WNT2: variants seen among roughly 807,000 people sequenced by gnomAD.
WNT2 encodes the protein Wnt family member 2.
In WNT2, 12 loss-of-function variants were observed where a neutral mutation model predicts 36.9. That is an observed-to-expected ratio of 0.33 (90% confidence interval 0.21 to 0.53). The LOEUF (loss-of-function observed/expected upper bound fraction) is 0.53. Ranked by LOEUF, WNT2 falls within the 20% of genes least tolerant of loss-of-function variation. WNT2 has a pLI of 0.95. For synonymous variants in WNT2, 163 were observed against 174.6 expected (o/e 0.93, Z 0.52); for missense variants, 379 against 473.1 (o/e 0.80, Z 1.84).
At chr7:117,280,109 G>A (rs1019834358) in intron 4 of WNT2, among the ~76,000 whole-genome samples, 2 of 152,088 alleles carry the variant, frequency 1.3e-5, no homozygotes, top group African/African-American at 4.8e-5. Context: ...CGGAGAGCAG[G>A]AAGACTGGCC....
At chr7:117,302,024 G>T (rs982390692) in intron 3 of WNT2, among the ~76,000 whole-genome samples, 1 of 151,794 alleles carries the variant, frequency 6.6e-6, no homozygotes, top group Non-Finnish European at 1.5e-5. Context: ...GGTCAGGCTG[G>T]TCCTCAGGTG....
intron 4 of WNT2, among the ~76,000 whole-genome samples, chr7:117,280,888 G>A (rs185362861): frequency 5.9e-5 from 9 of 152,290 alleles, no homozygotes; most frequent in Admixed American, 5.9e-4. Context: ...ACAGTTCTGG[G>A]AACATGGGAT....
chr7:117,298,585 A>G (rs144678386), intron 3 of WNT2, among the ~76,000 whole-genome samples: 167 of 152,260 alleles, frequency 1.1e-3, no homozygotes, highest in Middle Eastern at 6.8e-3. Flanking sequence ...AAACTGGGAC[A>G]AGCTCATCTC....
Position 117,279,584 on chromosome 7 carries a change from A to G in WNT2, c.854-1200T>C, listed in dbSNP as rs149018336. ...AAAAACAGAAATGAAGCAAATATACAGTGACAGTGAAGACAAGACATGGAA... is the reference window on the plus strand; with the variant it reads ...AAAAACAGAAATGAAGCAAATATACGGTGACAGTGAAGACAAGACATGGAA... On this transcript the variant is annotated intron_variant, in intron 4 of 4. Transcript: ENST00000265441. 5.3e-5 allele frequency among the ~76,000 whole-genome samples: 8 copies of G among 152,328 alleles called. No homozygotes were observed. In the East Asian group the frequency reaches 7.7e-4, roughly 15 times the overall value.
In WNT2 at chr7:117,323,034, C is replaced by T. The variant is rs749627873; in HGVS notation, c.-45G>A. 7 of 1,550,136 alleles carry T rather than the reference C, an allele frequency of 4.5e-6. No homozygotes were observed. The highest frequency in any genetic ancestry group is 1.4e-5 in the African/African-American group (1 of 72,526). On this transcript the variant is annotated 5_prime_UTR_variant, in exon 1 of 5. Transcript: ENST00000265441. ...CATCAGGTCAGACTCCGTGTGCGGGCGCCATGCGTGCCCAGAGCAGAAGCG... is the reference window on the plus strand; with the variant it reads ...CATCAGGTCAGACTCCGTGTGCGGGTGCCATGCGTGCCCAGAGCAGAAGCG...
At chr7:117,286,481 T>C (rs1794582007) in intron 4 of WNT2, among the ~76,000 whole-genome samples, 1 of 151,398 alleles carries the variant, frequency 6.6e-6, no homozygotes, top group African/African-American at 2.4e-5. Context: ...CCTCACCTCC[T>C]TCTCCCCCCA....
At chr7:117,290,124 G>A (rs1444739734) in intron 4 of WNT2, among the ~76,000 whole-genome samples, 1 of 152,138 alleles carries the variant, frequency 6.6e-6, no homozygotes, top group East Asian at 1.9e-4. Context: ...GCAGGGAATT[G>A]GATACAGGAT....
intron 3 of WNT2, among the ~76,000 whole-genome samples, chr7:117,300,265 C>A (rs1384845463): frequency 6.6e-6 from 1 of 152,300 alleles, no homozygotes; most frequent in Admixed American, 6.5e-5. Context: ...CAGCTCACTG[C>A]AACCTATGCC....
chr7:117,320,690 G>T lies in WNT2; in HGVS notation c.187C>A (p.Arg63Ser). The change falls in exon 2 of 5, where the codon CGT (arginine) becomes AGT (serine). Residue 63 changes from arginine to serine, a missense_variant. Coordinates refer to ENST00000265441, the MANE Select transcript of WNT2 (RefSeq NM_003391.3). The stretch of plus-strand genomic sequence containing the variant: ...TCGGCCACGCCCTGGCTAATGGCAC[G>T]CATCACATCTGGATGTCGGTGACAC... ...QLCHRHPDVMRAISQGVAEWT... is the reference protein window; with the variant it reads ...QLCHRHPDVMSAISQGVAEWT... The T allele has an allele frequency of 1.2e-6, 2 of 1,613,962 alleles. No homozygotes were observed. Among genetic ancestry groups the T allele is most frequent in the Non-Finnish European group, 1.7e-6 (2 of 1,179,974 alleles).
chr7:117,305,901 G>A (rs1005052075), intron 3 of WNT2, among the ~76,000 whole-genome samples: 4 of 152,162 alleles, frequency 2.6e-5, no homozygotes, highest in African/African-American at 7.2e-5. Flanking sequence ...ACCGACTTCC[G>A]CGGAGTTCTG....
At chr7:117,303,567 G>T (rs530159384) in intron 3 of WNT2, among the ~76,000 whole-genome samples, 120 of 152,246 alleles carry the variant, frequency 7.9e-4, no homozygotes, top group Non-Finnish European at 1.4e-3. Flanking sequence ...GGGTGGGAGG[G>T]TGGTTTCCCA....
chr7:117,281,323 G>A (rs1048478060), intron 4 of WNT2, among the ~76,000 whole-genome samples: 26 of 152,060 alleles, frequency 1.7e-4, no homozygotes, highest in African/African-American at 5.1e-4. Flanking sequence ...CTAGAGCCTC[G>A]ACCTCCTGGG....
chr7:117,306,932 C>A (rs1795025401), intron 3 of WNT2, among the ~76,000 whole-genome samples: 1 of 152,174 alleles, frequency 6.6e-6, no homozygotes, highest in Admixed American at 6.5e-5. Context: ...CTCATAACTG[C>A]TTCAGTGCTA....
chr7:117,299,553 T>G (rs2116359677), intron 3 of WNT2, among the ~76,000 whole-genome samples: 1 of 150,974 alleles, frequency 6.6e-6, no homozygotes, highest in South Asian at 2.1e-4. Flanking sequence ...AGTGGAGTGG[T>G]GTGACTGTAG....
intron 3 of WNT2, among the ~76,000 whole-genome samples, chr7:117,309,752 C>G (rs534756523): frequency 1.3e-5 from 2 of 152,306 alleles, no homozygotes; most frequent in South Asian, 4.1e-4. Context: ...AACTCCTAAA[C>G]TAAGAGCTCC....
chr7:117,312,567 T>C (rs1464967636), intron 3 of WNT2, among the ~76,000 whole-genome samples: 2 of 152,260 alleles, frequency 1.3e-5, no homozygotes, highest in Admixed American at 6.5e-5. Context: ...AAGGATGCTA[T>C]AGAATTTCCT....
intron 4 of WNT2, among the ~76,000 whole-genome samples, chr7:117,290,781 C>T (rs1006473293): frequency 1.3e-5 from 2 of 152,180 alleles, no homozygotes; most frequent in African/African-American, 4.8e-5. Flanking sequence ...GTCGATGACA[C>T]CACGAGGATA....
At chr7:117,281,405 T>C (rs1406939596) in intron 4 of WNT2, among the ~76,000 whole-genome samples, 1 of 152,000 alleles carries the variant, frequency 6.6e-6, no homozygotes, top group Non-Finnish European at 1.5e-5. Context: ...ATCCAGCTAA[T>C]TTTTGTATCT....
chr7:117,321,826 G>A (rs1718142437), intron 1 of WNT2, among the ~76,000 whole-genome samples: 1 of 152,144 alleles, frequency 6.6e-6, no homozygotes, highest in Non-Finnish European at 1.5e-5. Flanking sequence ...TCCTGTGTCA[G>A]CAATGTCAAG....
Sources: gnomAD v4.1 joint callset for allele counts (sites outside exome capture counted in the v4.1 genomes callset) on GRCh38, gnomAD v4.1.1 for gene constraint, MANE v1.5 for transcripts, NCBI Gene and HGNC (gene_info 2026-07-23, HGNC 2026-07-21) for gene names.